INPP4B: variants seen among roughly 807,000 people sequenced by gnomAD.
INPP4B encodes the protein inositol polyphosphate 4-phosphatase type II.
A neutral mutation model predicts 122.5 loss-of-function variants in INPP4B; 55 were observed. The observed-to-expected ratio is 0.45, with a 90% CI of 0.36 to 0.56. The LOEUF (loss-of-function observed/expected upper bound fraction) is 0.56. INPP4B is among the 20% of genes least tolerant of loss of function. The pLI is 0.00. For missense variants in INPP4B, 1,000 were observed against 1,097.7 expected (o/e 0.91, Z 1.26); for synonymous variants, 403 against 388.7 (o/e 1.04, Z -0.43).
intron 1 of INPP4B, among the ~76,000 whole-genome samples, chr4:142,737,674 C>A (rs112409119): frequency 0.027 from 4,134 of 152,130 alleles, 77 homozygotes; most frequent in Middle Eastern, 0.095. Context: ...ACTGAACAGG[C>A]AACCTACAGA....
At chr4:142,779,377 C>T (rs1774444252) in intron 1 of INPP4B, among the ~76,000 whole-genome samples, 1 of 151,808 alleles carries the variant, frequency 6.6e-6, no homozygotes, top group Non-Finnish European at 1.5e-5. Flanking sequence ...TTGGAATGCC[C>T]CTTCACATGA....
chr4:142,160,407 C>G lies in INPP4B; in HGVS notation c.1514G>C (p.Arg505Thr). The G allele has an allele frequency of 6.2e-7, 1 of 1,602,594 alleles. No individual in the cohort carries two copies. The highest frequency in any genetic ancestry group is 8.5e-7 in the Non-Finnish European group (1 of 1,171,700). Residue 505 changes from arginine to threonine, a missense_variant, in exon 17 of 26, where the codon AGA becomes ACA. Arg to Thr is a moderately conservative substitution (Grantham distance 71). Coordinates refer to ENST00000262992, the MANE Select transcript of INPP4B (RefSeq NM_001101669.3). ...SSPQDQPPVM[R>T]GQDSIPHHSD... ...ATGATGTGGTATGGAGTCCTGCCCT[C>G]TCATCACTGGGGGTTGGTCTTGGGG...
intron 2 of INPP4B, among the ~76,000 whole-genome samples, chr4:142,559,316 G>C (rs1729936641): frequency 6.6e-6 from 1 of 152,058 alleles, no homozygotes; most frequent in South Asian, 2.1e-4. Context: ...TTTTTTCACT[G>C]TTATGCTTTT....
chr4:142,270,548 C>G (rs1009014566), intron 10 of INPP4B, 115 bp downstream of exon 10: 1 of 718,498 alleles, frequency 1.4e-6, no homozygotes, highest in African/African-American at 1.8e-5. Context: ...GCTGTTGTCC[C>G]ATTTAGGTTT....
At chr4:142,595,976 G>A (rs1360136180) in intron 2 of INPP4B, among the ~76,000 whole-genome samples, 1 of 151,994 alleles carries the variant, frequency 6.6e-6, no homozygotes, top group Non-Finnish European at 1.5e-5. Context: ...AGCCTCCTGA[G>A]TAGCTGGGAT....
intron 24 of INPP4B, among the ~76,000 whole-genome samples, chr4:142,085,108 G>A (rs1227739129): frequency 6.6e-6 from 1 of 152,176 alleles, no homozygotes. Context: ...TACCTTTGAT[G>A]TTCTTCCCTG....
chr4:142,099,505 G>A (rs1215555271), intron 23 of INPP4B, among the ~76,000 whole-genome samples: 1 of 152,032 alleles, frequency 6.6e-6, no homozygotes, highest in African/African-American at 2.4e-5. Context: ...AGTAAATTTT[G>A]TTTATTACTA....
chr4:142,025,205 C>G lies in INPP4B; in HGVS notation c.*3577G>C, dbSNP rs1736661402. 6.6e-6 allele frequency: 1 copy of G among 151,970 alleles called. No homozygotes were observed. Among genetic ancestry groups the G allele is most frequent in the Admixed American group, 6.5e-5 (1 of 15,268 alleles). The allele number at this position is 151,970 out of a possible 1,614,324, so 9.4% of individuals were successfully genotyped here. A position where few individuals can be genotyped will look rare whatever the true frequency, so the allele number is the denominator to read the frequency against. On this transcript the variant is annotated 3_prime_UTR_variant, in exon 26 of 26. Transcript: ENST00000262992. ...GTTTCTATGGTGTTAAATACTCCCA[C>G]TGTGGACAGTTTCAAGCTACGAACA...
At position 142,148,368 on chromosome 4, in the gene INPP4B, C is replaced by T. The variant is rs1579077799; in HGVS notation, c.1564-2372G>A. 2.0e-5 allele frequency among the ~76,000 whole-genome samples: 3 copies of T among 152,038 alleles called. No individual in the cohort carries two copies. In the East Asian group the frequency reaches 5.8e-4, roughly 29 times the overall value. Reference sequence around the variant, plus strand: ...TAGCTGGGACCACAGGCATGCCCACCACGCCTAACTAATTTTTGTAGTTTT... The same window carrying T: ...TAGCTGGGACCACAGGCATGCCCACTACGCCTAACTAATTTTTGTAGTTTT... On this transcript the variant is annotated intron_variant, in intron 17 of 25. Coordinates refer to ENST00000262992, the MANE Select transcript of INPP4B (RefSeq NM_001101669.3).
rs1749328344 is a variant in INPP4B, at chr4:142,637,126, CT to C, written c.-191+88712del. On this transcript the variant is annotated intron_variant, in intron 2 of 25. Transcript: ENST00000262992. ...GAACCATCCCTTTCTAAACACAAAA[CT>C]TCATCCATTATCAACATCCTGCACC... is the stretch of plus-strand genomic sequence containing the variant. Among the ~76,000 whole-genome samples, 3 of 152,260 alleles carry C rather than the reference CT, an allele frequency of 2.0e-5. No individual in the cohort carries two copies. The East Asian group carries it at 5.8e-4, about 29-fold the overall frequency.
chr4:142,270,790 C>T lies in INPP4B; in HGVS notation c.504-16G>A, dbSNP rs1420465061. ...ATCTGAAGTTCTGCAACAAAAAATA[C>T]ACGAAATGGAAAGGTAAGAAGCTTC... On this transcript the variant is annotated splice_polypyrimidine_tract_variant and intron_variant, in intron 9 of 25. Transcript: ENST00000262992. The T allele has an allele frequency of 1.9e-6, 3 of 1,543,998 alleles. No individual in the cohort carries two copies. The highest frequency in any genetic ancestry group is 2.2e-5 in the East Asian group (1 of 44,590).
In INPP4B at chr4:142,395,554, T is replaced by C. The variant is rs573485796; in HGVS notation, c.372+7384A>G. 8.1e-4 allele frequency among the ~76,000 whole-genome samples: 124 copies of C among 152,310 alleles called. 2 individuals carry two copies. Among genetic ancestry groups the C allele is most frequent in the African/African-American group, 2.9e-3 (122 of 41,588 alleles). On this transcript the variant is annotated intron_variant, in intron 7 of 25. Coordinates refer to ENST00000262992, the MANE Select transcript of INPP4B (RefSeq NM_001101669.3). ...ACCATAGGATACAACAATCTCACTTTTGGGTATTTATCCAAAATAACAGAG... is the reference window on the plus strand; with the variant it reads ...ACCATAGGATACAACAATCTCACTTCTGGGTATTTATCCAAAATAACAGAG...
At chr4:142,764,874 C>T (rs549889046) in intron 1 of INPP4B, among the ~76,000 whole-genome samples, 76 of 152,024 alleles carry the variant, frequency 5.0e-4, no homozygotes, top group Non-Finnish European at 9.4e-4. Context: ...GAGGCTAAGA[C>T]GTTCGCTTGG....
Position 142,690,165 on chromosome 4 carries a change from C to T in INPP4B, c.-191+35674G>A, listed in dbSNP as rs562657510. 5.2e-4 allele frequency among the ~76,000 whole-genome samples: 79 copies of T among 152,192 alleles called. No individual in the cohort carries two copies. The South Asian group carries it at 0.015, about 30-fold the overall frequency. On this transcript the variant is annotated intron_variant, in intron 2 of 25. Transcript: ENST00000262992. Reference sequence around the variant, plus strand: ...CTTAGCATCCTTTTAAGATACCATGCGGCGTCTTTCATTGATCCATGAATA... The same window carrying T: ...CTTAGCATCCTTTTAAGATACCATGTGGCGTCTTTCATTGATCCATGAATA...
At chr4:142,036,741 C>T (rs151329127) in intron 25 of INPP4B, among the ~76,000 whole-genome samples, 206 of 152,240 alleles carry the variant, frequency 1.4e-3, no homozygotes, top group African/African-American at 4.6e-3. Context: ...ATCAGAATAA[C>T]ATATTAAAGA....
chr4:142,028,748 A>G lies in INPP4B; in HGVS notation c.*34T>C. On this transcript the variant is annotated 3_prime_UTR_variant, in exon 26 of 26. Transcript: ENST00000262992. ...GGTGAAGATTATCCAACTGAAATGT[A>G]TTTGTGTTCCTGTTTATTAACATGT... 4 of 1,591,348 alleles carry G rather than the reference A, an allele frequency of 2.5e-6. No individual in the cohort carries two copies. The highest frequency in any genetic ancestry group is 3.4e-6 in the Non-Finnish European group (4 of 1,170,144).
chr4:142,430,909 A>G (rs1809163579), intron 4 of INPP4B, among the ~76,000 whole-genome samples: 1 of 152,150 alleles, frequency 6.6e-6, no homozygotes, highest in Admixed American at 6.6e-5. Flanking sequence ...TATATATTCA[A>G]GATATTTAAT....
intron 14 of INPP4B, among the ~76,000 whole-genome samples, chr4:142,206,194 C>T (rs1842519008): frequency 1.3e-5 from 2 of 152,044 alleles, no homozygotes; most frequent in African/African-American, 2.4e-5. Flanking sequence ...CATTAATTCA[C>T]TCATAAGTGT....
intron 16 of INPP4B, 113 bp from the exon 17 acceptor site, chr4:142,160,674 A>G (rs1438610214): frequency 1.5e-6 from 1 of 658,334 alleles, no homozygotes; most frequent in East Asian, 2.8e-5. Context: ...TGGTGGAAAA[A>G]GTACAGACGC....
Sources: allele counts gnomAD v4.1 joint callset (sites outside exome capture counted in the v4.1 genomes callset), GRCh38; gene constraint gnomAD v4.1.1; transcripts MANE v1.5; gene names NCBI Gene and HGNC (gene_info 2026-07-23, HGNC 2026-07-21).